NEMF: variants seen among roughly 807,000 people sequenced by gnomAD.
NEMF encodes nuclear export mediator factor, also known as ribosome quality control complex subunit NEMF.
NEMF carries 89 observed loss-of-function variants against 162.2 expected under a neutral mutation model. That is an observed-to-expected ratio of 0.55 (90% CI 0.46 to 0.65). The LOEUF (loss-of-function observed/expected upper bound fraction) is 0.65, where lower values mean the gene tolerates loss of function less well. Among genes scored for constraint, NEMF ranks in the 30% least tolerant of loss-of-function variants. NEMF has a pLI of 0.00. For missense variants in NEMF, 1,133 were observed against 1,261.9 expected (o/e 0.90, Z 1.55); for synonymous variants, 421 against 404.5 (o/e 1.04, Z -0.49).
In NEMF at chr14:49,782,888, C is replaced by T. The variant is rs761405170; in HGVS notation, c.*1748G>A. 5.6e-6 allele frequency: 9 copies of T among 1,613,564 alleles called. No individual in the cohort carries two copies. The highest frequency in any genetic ancestry group is 7.6e-6 in the Non-Finnish European group (9 of 1,179,554). Reference sequence around the variant, plus strand: ...AATGTTAGCCAACTCATGGAACTGCCTTCCAAAACACTTACTTCACAGTGT... The same window carrying T: ...AATGTTAGCCAACTCATGGAACTGCTTTCCAAAACACTTACTTCACAGTGT... On this transcript the variant is annotated 3_prime_UTR_variant, in exon 33 of 33. Transcript: ENST00000298310.
At chr14:49,824,130 A>T (rs1408906071) in intron 16 of NEMF, among the ~76,000 whole-genome samples, 1 of 152,194 alleles carries the variant, frequency 6.6e-6, no homozygotes, top group Non-Finnish European at 1.5e-5. Flanking sequence ...AGATCATGCC[A>T]CTGCACTCCA....
chr14:49,799,660 AG>A lies in NEMF; in HGVS notation c.2390del (p.Ala797ValfsTer28). 6.2e-7 allele frequency: 1 copy of A among 1,612,346 alleles called. No individual in the cohort carries two copies. Among genetic ancestry groups the A allele is most frequent in the Non-Finnish European group, 8.5e-7 (1 of 1,179,410 alleles). ...LQPQRSIQKL[A>X]SKEESSNSSD... is the part of the protein sequence containing the mutation. ...CAGAATTAGAAGATTCCTCTTTTGA[AG>A]CCAATTTCTGGATGGACCTATGAAA... On this transcript the variant is annotated frameshift_variant, in exon 24 of 33. Coordinates refer to ENST00000298310, the MANE Select transcript of NEMF (RefSeq NM_004713.6). LOFTEE classifies it high-confidence loss of function.
intron 5 of NEMF, 72 bp downstream of exon 5, chr14:49,840,646 G>T: frequency 7.5e-7 from 1 of 1,338,514 alleles, no homozygotes; most frequent in Non-Finnish European, 1.0e-6. Context: ...TTTTTTAAGA[G>T]ACAGGGTCTC....
chr14:49,828,151 A>T, intron 15 of NEMF, 140 bp downstream of exon 15: 1 of 693,766 alleles, frequency 1.4e-6, no homozygotes, highest in Non-Finnish European at 2.6e-6. Context: ...AAAATACTGG[A>T]AATACATATA....
intron 18 of NEMF, among the ~76,000 whole-genome samples, chr14:49,809,133 C>G (rs540203669): frequency 1.3e-5 from 2 of 152,266 alleles, no homozygotes; most frequent in African/African-American, 4.8e-5. Flanking sequence ...TCTTACAAAA[C>G]TAAAAATACT....
At chr14:49,806,239 T>C (rs1891189835) in intron 18 of NEMF, 106 bp from the exon 19 acceptor site, 3 of 12,016 alleles carry the variant, frequency 2.5e-4, no homozygotes, top group Non-Finnish European at 5.1e-4. Context: ...TGTGTATATA[T>C]ATATATATAT....
In NEMF at chr14:49,783,957, A is replaced by T. The variant is rs1296238932; in HGVS notation, c.*679T>A. 6.6e-6 allele frequency: 1 copy of T among 151,866 alleles called. No individual in the cohort carries two copies. Among genetic ancestry groups the T allele is most frequent in the Non-Finnish European group, 1.5e-5 (1 of 67,914 alleles). 9.4% of individuals were successfully genotyped at this position (151,866 alleles called of 1,614,324 possible). ...TTTAAACCCCTTGTAGCTGGCCTAT[A>T]ATATATATATATTAGATGTTATATA... is the stretch of plus-strand genomic sequence containing the variant. On this transcript the variant is annotated 3_prime_UTR_variant, in exon 33 of 33. Transcript: ENST00000298310.
rs1222124589 is a variant in NEMF at position 49,834,346 on chromosome 14, G to C, written c.661+17C>G. On this transcript the variant is annotated intron_variant, in intron 7 of 32. Coordinates refer to ENST00000298310, the MANE Select transcript of NEMF (RefSeq NM_004713.6). ...AAAAAAAATGAAATAAATGAAAAAT[G>C]TACCATGCAGACATACCTTTAGTTT... 1 of 1,501,604 alleles carries C rather than the reference G, an allele frequency of 6.7e-7. No homozygotes were observed. The highest frequency in any genetic ancestry group is 1.8e-5 in the Admixed American group (1 of 54,276). 93.0% of individuals were successfully genotyped at this position (1,501,604 alleles called of 1,614,324 possible). A position where few individuals can be genotyped will look rare whatever the true frequency, so the allele number is the denominator to read the frequency against.
chr14:49,796,160 C>A (rs753063941), intron 25 of NEMF: 5 of 581,160 alleles, frequency 8.6e-6, no homozygotes, highest in Admixed American at 2.5e-5. Flanking sequence ...ATCTTTCTTT[C>A]CATCATCCAA....
intron 4 of NEMF, among the ~76,000 whole-genome samples, chr14:49,843,654 A>T (rs1307511005): frequency 2.0e-5 from 3 of 152,244 alleles, no homozygotes; most frequent in Non-Finnish European, 4.4e-5. Context: ...TAATACATCC[A>T]CCAAAGATAT....
chr14:49,818,323 A>G (rs895049879), intron 16 of NEMF: 1 of 152,014 alleles, frequency 6.6e-6, no homozygotes, highest in African/African-American at 2.4e-5. Flanking sequence ...CGATCTCTTG[A>G]CCTCGTGATC....
chr14:49,813,231 G>A (rs956345558), intron 18 of NEMF, among the ~76,000 whole-genome samples: 5 of 152,128 alleles, frequency 3.3e-5, no homozygotes, highest in African/African-American at 7.2e-5. Flanking sequence ...AATGCCCACT[G>A]GAGTTTGCTA....
At chr14:49,786,590 G>C in intron 29 of NEMF, 128 bp downstream of exon 29, 1 of 838,654 alleles carries the variant, frequency 1.2e-6, no homozygotes, top group Non-Finnish European at 1.9e-6. Context: ...TTAAGACCCC[G>C]AAAGTTTGAC....
intron 18 of NEMF, among the ~76,000 whole-genome samples, chr14:49,809,731 G>T (rs1421752854): frequency 1.3e-5 from 2 of 152,072 alleles, no homozygotes; most frequent in Non-Finnish European, 2.9e-5. Context: ...GTGGTGGCAC[G>T]TGCCTGTTAA....
chr14:49,798,135 AAACGAATGAATG>A (rs536385813), intron 25 of NEMF, among the ~76,000 whole-genome samples: 1 of 152,258 alleles, frequency 6.6e-6, no homozygotes, highest in Non-Finnish European at 1.5e-5. Context: ...AGCGGTTGAA[AAACGAATGAATG>A]AATGAATGAA....
At chr14:49,827,981 G>T (rs759148949) in intron 15 of NEMF, among the ~76,000 whole-genome samples, 20 of 152,286 alleles carry the variant, frequency 1.3e-4, no homozygotes, top group South Asian at 1.0e-3. Context: ...GATTCTGGCT[G>T]TACTTTAAAG....
Position 49,782,440 on chromosome 14 carries a change from C to T in NEMF, c.*2196G>A. The T allele has an allele frequency of 6.2e-7, 1 of 1,611,610 alleles. No homozygotes were observed. The highest frequency in any genetic ancestry group is 1.3e-5 in the African/African-American group (1 of 75,014). On this transcript the variant is annotated 3_prime_UTR_variant, in exon 33 of 33. Coordinates refer to ENST00000298310, the MANE Select transcript of NEMF (RefSeq NM_004713.6). ...TTTTGGTGGATGTGCCAACAACTTGCTTGTCCATCACAGAGCTGTAAGTAT... is the reference window on the plus strand; with the variant it reads ...TTTTGGTGGATGTGCCAACAACTTGTTTGTCCATCACAGAGCTGTAAGTAT...
chr14:49,787,901 C>A (rs1481263241), intron 28 of NEMF, among the ~76,000 whole-genome samples: 2 of 152,004 alleles, frequency 1.3e-5, no homozygotes, highest in Non-Finnish European at 2.9e-5. Context: ...ACTGAGCACA[C>A]AATTATAACT....
At chr14:49,789,660 TTC>T in intron 26 of NEMF, 87 bp from the exon 27 acceptor site, 2 of 1,518,036 alleles carry the variant, frequency 1.3e-6, no homozygotes, top group Non-Finnish European at 1.8e-6. Context: ...TTACTTTATA[TTC>T]TCTGTCAAAA....
Sources: allele counts gnomAD v4.1 joint callset (sites outside exome capture counted in the v4.1 genomes callset), GRCh38; gene constraint gnomAD v4.1.1; transcripts MANE v1.5; gene names NCBI Gene and HGNC (gene_info 2026-07-23, HGNC 2026-07-21).